FUT9: variants seen among roughly 807,000 people sequenced by gnomAD.
The protein encoded by FUT9 is 4-galactosyl-N-acetylglucosaminide 3-alpha-L-fucosyltransferase 9.
Under a neutral mutation model 29.7 loss-of-function variants are expected in FUT9, and 15 were observed. That is an observed-to-expected ratio of 0.51 (90% confidence interval 0.34 to 0.78). The LOEUF is 0.78. FUT9 is among the 30% of genes least tolerant of loss of function. The pLI, the probability that FUT9 is intolerant of heterozygous loss-of-function variation, is 0.01. For missense variants in FUT9, 319 were observed against 425.4 expected, an observed-to-expected ratio of 0.75 and a Z score of 2.20; for synonymous variants, 169 against 153.7, an observed-to-expected ratio of 1.10 and a Z score of -0.74.
intron 1 of FUT9, among the ~76,000 whole-genome samples, chr6:96,018,961 A>C (rs62418396): frequency 0.23 from 35,619 of 151,746 alleles, 6,461 homozygotes; most frequent in African/African-American, 0.47. Flanking sequence ...TAACTAAATA[A>C]AAGTTCTATT....
chr6:96,021,951 A>C (rs1770076674), intron 1 of FUT9, among the ~76,000 whole-genome samples: 1 of 152,052 alleles, frequency 6.6e-6, no homozygotes, highest in Admixed American at 6.6e-5. Flanking sequence ...CCAAGAGAAA[A>C]AAATAAGGTC....
intron 2 of FUT9, among the ~76,000 whole-genome samples, chr6:96,124,637 A>AT (rs1772098924): frequency 6.6e-6 from 1 of 151,736 alleles, no homozygotes; most frequent in Admixed American, 6.6e-5. Context: ...CCAGTTCTAA[A>AT]TTTTTTTCTG....
chr6:96,180,597 C>T (rs963499583), intron 2 of FUT9, among the ~76,000 whole-genome samples: 12 of 151,956 alleles, frequency 7.9e-5, no homozygotes, highest in Non-Finnish European at 1.8e-4. Context: ...TGTATCAATT[C>T]ACCAACCTTT....
At chr6:96,103,244 T>C (rs1771618921) in intron 1 of FUT9, among the ~76,000 whole-genome samples, 1 of 152,148 alleles carries the variant, frequency 6.6e-6, no homozygotes, top group Non-Finnish European at 1.5e-5. Context: ...TGTATATGCA[T>C]ATGTATGTAT....
intron 2 of FUT9, among the ~76,000 whole-genome samples, chr6:96,193,645 C>A (rs1374051276): frequency 2.6e-5 from 4 of 152,070 alleles, no homozygotes; most frequent in Admixed American, 1.3e-4. Context: ...GACAGTGTGG[C>A]GATTCCTCAA....
At chr6:96,042,718 C>A (rs189365565) in intron 1 of FUT9, among the ~76,000 whole-genome samples, 3 of 152,216 alleles carry the variant, frequency 2.0e-5, no homozygotes, top group African/African-American at 7.2e-5. Flanking sequence ...TGTATTAGCC[C>A]GTTGGGTTTA....
intron 2 of FUT9, among the ~76,000 whole-genome samples, chr6:96,141,619 G>A (rs575667383): frequency 1.3e-5 from 2 of 152,310 alleles, no homozygotes; most frequent in African/African-American, 4.8e-5. Context: ...GATATTCACA[G>A]ACGCTTGCAC....
chr6:96,016,875 C>A (rs535827744), intron 1 of FUT9, among the ~76,000 whole-genome samples: 22 of 152,232 alleles, frequency 1.4e-4, no homozygotes, highest in Non-Finnish European at 2.6e-4. Context: ...TATTATCAAG[C>A]GTGAAAAAAT....
Position 96,209,551 on chromosome 6 carries a change from G to C in FUT9, c.*5316G>C. On this transcript the variant is annotated 3_prime_UTR_variant, in exon 3 of 3. Coordinates refer to ENST00000302103, the MANE Select transcript of FUT9 (RefSeq NM_006581.4). ...CAAACTCTTATTACAAAAATCTAAAGATATTTATTGATGCAAAAAATTTAG... is the reference window on the plus strand; with the variant it reads ...CAAACTCTTATTACAAAAATCTAAACATATTTATTGATGCAAAAAATTTAG... The C allele has an allele frequency of 6.0e-6, 1 of 166,822 alleles. No individual in the cohort carries two copies. 10.3% of individuals were successfully genotyped at this position (166,822 alleles called of 1,614,324 possible).
rs751490651 is a variant in FUT9, at chr6:96,208,712, C to T, written c.*4477C>T. On this transcript the variant is annotated 3_prime_UTR_variant, in exon 3 of 3. Coordinates refer to ENST00000302103, the MANE Select transcript of FUT9 (RefSeq NM_006581.4). The stretch of plus-strand genomic sequence containing the variant: ...GAAAGATTAGAAAGGATTTGGATCA[C>T]GTTAACATTCTATGCAAATATTAGT... 2 of 166,640 alleles carry T rather than the reference C, an allele frequency of 1.2e-5. No homozygotes were observed. The highest frequency in any genetic ancestry group is 2.9e-5 in the Non-Finnish European group (2 of 67,968). 10.3% of individuals were successfully genotyped at this position (166,640 alleles called of 1,614,324 possible).
At chr6:96,166,381 TA>T (rs1582279720) in intron 2 of FUT9, among the ~76,000 whole-genome samples, 1 of 152,200 alleles carries the variant, frequency 6.6e-6, no homozygotes, top group East Asian at 1.9e-4. Flanking sequence ...AATATCTTTT[TA>T]TTTTTTTCTT....
chr6:96,149,464 A>G (rs1049688088), intron 2 of FUT9, among the ~76,000 whole-genome samples: 2 of 152,186 alleles, frequency 1.3e-5, no homozygotes, highest in Non-Finnish European at 2.9e-5. Flanking sequence ...AAAACCTGAA[A>G]CAAATGTTTT....
At chr6:96,136,375 C>A (rs1297397616) in intron 2 of FUT9, among the ~76,000 whole-genome samples, 1 of 151,824 alleles carries the variant, frequency 6.6e-6, no homozygotes, top group Non-Finnish European at 1.5e-5. Context: ...TCAAAACTAT[C>A]TAAAGAGGTT....
chr6:96,133,055 T>C (rs1016504688), intron 2 of FUT9, among the ~76,000 whole-genome samples: 5 of 152,052 alleles, frequency 3.3e-5, no homozygotes, highest in African/African-American at 1.2e-4. Context: ...GTGTACACCG[T>C]ACCCAATGTG....
rs1773986647 is a variant in FUT9, at chr6:96,213,944, C to A, written c.*9709C>A. ...AATCATGCAGCTTTGGGGACATTTA[C>A]ACTGCCACTCACACACAGGCTCTGT... On this transcript the variant is annotated 3_prime_UTR_variant, in exon 3 of 3. Coordinates refer to ENST00000302103, the MANE Select transcript of FUT9 (RefSeq NM_006581.4). 1 of 166,904 alleles carries A rather than the reference C, an allele frequency of 6.0e-6. No individual in the cohort carries two copies. Among genetic ancestry groups the A allele is most frequent in the Non-Finnish European group, 1.5e-5 (1 of 68,012 alleles). 10.3% of individuals were successfully genotyped at this position (166,904 alleles called of 1,614,324 possible).
intron 2 of FUT9, among the ~76,000 whole-genome samples, chr6:96,200,202 A>G (rs1282558561): frequency 6.6e-6 from 1 of 152,174 alleles, no homozygotes; most frequent in East Asian, 1.9e-4. Flanking sequence ...GACACTAATA[A>G]GTGCCATATA....
At chr6:96,018,126 A>G (rs547203700) in intron 1 of FUT9, among the ~76,000 whole-genome samples, 1 of 152,248 alleles carries the variant, frequency 6.6e-6, no homozygotes, top group South Asian at 2.1e-4. Flanking sequence ...TTGGTTTTCT[A>G]AATTTGAAAA....
rs1280339012 is a variant in FUT9, at chr6:96,213,888, A to G, written c.*9653A>G. On this transcript the variant is annotated 3_prime_UTR_variant, in exon 3 of 3. Transcript: ENST00000302103. ...ATATGACTATATTAAGGTTGTGTTT[A>G]TATTAGGTGAAAAATTGCATGCAAT... is the stretch of plus-strand genomic sequence containing the variant. 4 of 166,934 alleles carry G rather than the reference A, an allele frequency of 2.4e-5. No homozygotes were observed. The highest frequency in any genetic ancestry group is 6.6e-5 in the Admixed American group (1 of 15,256). 10.3% of individuals were successfully genotyped at this position (166,934 alleles called of 1,614,324 possible). A position where few individuals can be genotyped will look rare whatever the true frequency, so the allele number is the denominator to read the frequency against.
chr6:96,059,902 A>G (rs1770843191), intron 1 of FUT9, among the ~76,000 whole-genome samples: 1 of 152,178 alleles, frequency 6.6e-6, no homozygotes, highest in African/African-American at 2.4e-5. Flanking sequence ...CATGGTTAGA[A>G]TAGGCTTATC....
Sources: allele counts gnomAD v4.1 joint callset (sites outside exome capture counted in the v4.1 genomes callset), GRCh38; gene constraint gnomAD v4.1.1; transcripts MANE v1.5; gene names NCBI Gene and HGNC (gene_info 2026-07-23, HGNC 2026-07-21).